Variants in APELA observed in about 807,000 individuals in gnomAD.
APELA encodes the protein apelin receptor early endogenous ligand.
At chr4:164,878,196 A>AAAAGAAAG (rs11404085) in intron 1 of APELA, among the ~76,000 whole-genome samples, 4,551 of 143,442 alleles carry the variant, frequency 0.032, 110 homozygotes, top group African/African-American at 0.051. Flanking sequence ...AGAAACAGAA[A>AAAAGAAAG]AAAGAAAGAA....
chr4:164,878,165 AAGAG>A (rs983755334), intron 1 of APELA, among the ~76,000 whole-genome samples: 17 of 149,294 alleles, frequency 1.1e-4, no homozygotes, highest in Admixed American at 2.0e-4. Context: ...GAGAGAAAAG[AAGAG>A]AGAAAGAAAG....
At chr4:164,889,826 T>C (rs543751733) in intron 2 of APELA, among the ~76,000 whole-genome samples, 1 of 152,214 alleles carries the variant, frequency 6.6e-6, no homozygotes, top group Admixed American at 6.5e-5. Flanking sequence ...TTTCCTTGTC[T>C]TTATTCCCTA....
At position 164,887,426 on chromosome 4, in the gene APELA, T is replaced by G. The variant is rs567152795; in HGVS notation, c.*2-7990T>G. Among the ~76,000 whole-genome samples the G allele has an allele frequency of 4.6e-5, 7 of 152,186 alleles. No individual in the cohort carries two copies. In the South Asian group the frequency reaches 1.2e-3, roughly 27 times the overall value. On this transcript the variant is annotated intron_variant, in intron 2 of 2. Transcript: ENST00000507152. ...ACCTCTCTGGATCATCGTGTCAACT[T>G]GAAAGTTTAAATGGTGATAAGCCTA...
intron 2 of APELA, among the ~76,000 whole-genome samples, chr4:164,881,010 G>A (rs1730643691): frequency 2.0e-5 from 3 of 152,204 alleles, no homozygotes; most frequent in Admixed American, 2.0e-4. Context: ...AAAGTCACCT[G>A]TTGGAATCTA....
At chr4:164,886,929 A>G (rs1172722566) in intron 2 of APELA, among the ~76,000 whole-genome samples, 3 of 151,784 alleles carry the variant, frequency 2.0e-5, no homozygotes, top group African/African-American at 7.3e-5. Context: ...AGGTTCAAGC[A>G]GTTCTCCTGG....
chr4:164,894,047 G>T (rs898140957), intron 2 of APELA, among the ~76,000 whole-genome samples: 1 of 152,000 alleles, frequency 6.6e-6, no homozygotes, highest in Non-Finnish European at 1.5e-5. Context: ...TTTTGGCCGG[G>T]CGTGGTGGCT....
At chr4:164,897,756 G>A (rs2111075177), downstream of APELA, among the ~76,000 whole-genome samples, 1 of 152,258 alleles carries the variant, frequency 6.6e-6, no homozygotes, top group South Asian at 2.1e-4. Context: ...AATAACCAGT[G>A]GCACATATGC....
chr4:164,898,558 GA>G (rs1229885263), downstream of APELA, among the ~76,000 whole-genome samples: 1 of 151,390 alleles, frequency 6.6e-6, no homozygotes, highest in African/African-American at 2.4e-5. Context: ...GAACACAAAG[GA>G]AAAGACTTTA....
chr4:164,892,480 A>G (rs1014197302), intron 2 of APELA, among the ~76,000 whole-genome samples: 3 of 152,160 alleles, frequency 2.0e-5, no homozygotes, highest in Non-Finnish European at 2.9e-5. Flanking sequence ...TTCCGAGGTA[A>G]ATCCCACTAA....
At chr4:164,884,878 C>A (rs1411015236) in intron 2 of APELA, among the ~76,000 whole-genome samples, 1 of 152,126 alleles carries the variant, frequency 6.6e-6, no homozygotes, top group Non-Finnish European at 1.5e-5. Context: ...CAGTATCATT[C>A]ATCCTTTAGG....
At chr4:164,879,430 C>T (rs141274321) in intron 2 of APELA, among the ~76,000 whole-genome samples, 91 of 152,104 alleles carry the variant, frequency 6.0e-4, no homozygotes, top group African/African-American at 2.1e-3. Context: ...TCCTCTCCTC[C>T]TCTCCTCCTC....
intron 2 of APELA, among the ~76,000 whole-genome samples, chr4:164,884,460 G>A (rs1047413695): frequency 2.6e-5 from 4 of 152,180 alleles, no homozygotes; most frequent in African/African-American, 9.7e-5. Flanking sequence ...TTATCCCGCT[G>A]TAGGTCAAAT....
chr4:164,883,210 A>G (rs1429269637), intron 2 of APELA, among the ~76,000 whole-genome samples: 1 of 152,076 alleles, frequency 6.6e-6, no homozygotes, highest in African/African-American at 2.4e-5. Flanking sequence ...TCAGCATAGA[A>G]TCTCTACTTT....
intron 2 of APELA, among the ~76,000 whole-genome samples, chr4:164,880,772 A>C (rs1397909399): frequency 6.6e-6 from 1 of 152,244 alleles, no homozygotes; most frequent in Non-Finnish European, 1.5e-5. Flanking sequence ...TGTTACAAGT[A>C]AGCATGAATA....
chr4:164,891,469 C>G (rs554616464), intron 2 of APELA, among the ~76,000 whole-genome samples: 1 of 152,242 alleles, frequency 6.6e-6, no homozygotes, highest in Non-Finnish European at 1.5e-5. Flanking sequence ...TTCAGGTCTA[C>G]TTTAATTGCT....
chr4:164,881,985 A>T (rs1348401753), intron 2 of APELA, among the ~76,000 whole-genome samples: 2 of 152,098 alleles, frequency 1.3e-5, no homozygotes, highest in Non-Finnish European at 2.9e-5. Flanking sequence ...TTGAGGCTGC[A>T]GTGAGCTATG....
At chr4:164,880,111 A>G (rs996882252) in intron 2 of APELA, among the ~76,000 whole-genome samples, 2 of 152,244 alleles carry the variant, frequency 1.3e-5, no homozygotes, top group African/African-American at 4.8e-5. Flanking sequence ...AAAAAATGCC[A>G]CAGAAATATC....
intron 2 of APELA, among the ~76,000 whole-genome samples, chr4:164,879,460 T>C (rs192465110): frequency 4.5e-4 from 69 of 152,024 alleles, no homozygotes; most frequent in Non-Finnish European, 8.5e-4. Flanking sequence ...ACCTCTCCCC[T>C]CTCCCCCAGG....
Position 164,886,949 on chromosome 4 carries a change from C to A in APELA, c.*1+7940C>A, listed in dbSNP as rs201457967. Among the ~76,000 whole-genome samples the A allele has an allele frequency of 7.2e-5, 11 of 152,112 alleles. No homozygotes were observed. In the East Asian group the frequency reaches 2.1e-3, roughly 30 times the overall value. ...CAAGCAGTTCTCCTGGCTCAGCCTC[C>A]CAAGTAGCTGGGATTACAGGCACCT... On this transcript the variant is annotated intron_variant, in intron 2 of 2. Coordinates refer to ENST00000507152, the MANE Select transcript of APELA (RefSeq NM_001297550.2).
Sources: gnomAD v4.1 joint callset for allele counts (sites outside exome capture counted in the v4.1 genomes callset) on GRCh38, gnomAD v4.1.1 for gene constraint, MANE v1.5 for transcripts, NCBI Gene and HGNC (gene_info 2026-07-23, HGNC 2026-07-21) for gene names.